RAB10: variants seen among roughly 807,000 people sequenced by gnomAD.
RAB10 encodes the protein RAB10, member RAS oncogene family.
RAB10 carries 5 observed loss-of-function variants against 25.7 expected under a neutral mutation model. The ratio of observed to expected loss-of-function variants is 0.19; its 90% CI spans 0.10 to 0.41. The LOEUF is 0.41. Among genes scored for constraint, RAB10 ranks in the 10% least tolerant of loss-of-function variants. RAB10 has a pLI of 1.00. For missense variants in RAB10, 103 were observed against 245.8 expected, an observed-to-expected ratio of 0.42 and a Z score of 3.89; for synonymous variants, 89 against 86.4, an observed-to-expected ratio of 1.03 and a Z score of -0.16.
At chr2:26,051,239 A>C (rs1023935050) in intron 1 of RAB10, among the ~76,000 whole-genome samples, 3 of 151,684 alleles carry the variant, frequency 2.0e-5, no homozygotes, top group Non-Finnish European at 2.9e-5. Context: ...GCCTGGCATA[A>C]ATTTGTTTTT....
chr2:26,080,353 T>C (rs761452764), intron 1 of RAB10, among the ~76,000 whole-genome samples: 41 of 152,260 alleles, frequency 2.7e-4, no homozygotes, highest in South Asian at 6.2e-4. Flanking sequence ...TAAAAATTGT[T>C]GCGGCAGGAG....
intron 1 of RAB10, among the ~76,000 whole-genome samples, chr2:26,077,594 A>G (rs535221843): frequency 5.3e-5 from 8 of 152,266 alleles, no homozygotes; most frequent in African/African-American, 1.7e-4. Context: ...TGACTTTTTT[A>G]TTAGAATGAC....
chr2:26,047,625 C>G (rs563566159), intron 1 of RAB10, among the ~76,000 whole-genome samples: 2 of 151,516 alleles, frequency 1.3e-5, no homozygotes, highest in Non-Finnish European at 1.5e-5. Flanking sequence ...CTACATTGGC[C>G]GGGCTGGTCT....
At chr2:26,120,906 GTATAT>G (rs1323528716) in intron 3 of RAB10, among the ~76,000 whole-genome samples, 1 of 150,834 alleles carries the variant, frequency 6.6e-6, no homozygotes, top group Admixed American at 6.6e-5. Context: ...TTTCTTTATA[GTATAT>G]TATAATTTTT....
At chr2:26,047,362 A>G (rs1666034733) in intron 1 of RAB10, among the ~76,000 whole-genome samples, 1 of 113,382 alleles carries the variant, frequency 8.8e-6, no homozygotes, top group African/African-American at 3.5e-5. Context: ...CCAACTCAGC[A>G]TAATTCCCTG....
intron 5 of RAB10, among the ~76,000 whole-genome samples, chr2:26,128,391 G>T (rs1230958788): frequency 6.6e-6 from 1 of 152,152 alleles, no homozygotes; most frequent in South Asian, 2.1e-4. Context: ...CCACAGCCCC[G>T]GGGTTGGGGA....
rs755298548 is a variant in RAB10, at chr2:26,034,739, A to G, written c.127+4A>G. The G allele has an allele frequency of 6.2e-7, 1 of 1,614,092 alleles. No homozygotes were observed. Among genetic ancestry groups the G allele is most frequent in the Non-Finnish European group, 8.5e-7 (1 of 1,179,970 alleles). On this transcript the variant is annotated splice_donor_region_variant and intron_variant, in intron 1 of 5. Transcript: ENST00000264710. ...ACTACCTTTATTTCCACCATAGGTA[A>G]GACCTGTGGGAGGACGGTGTACGGT...
chr2:26,124,915 T>C (rs1667876211), intron 3 of RAB10, among the ~76,000 whole-genome samples: 1 of 152,228 alleles, frequency 6.6e-6, no homozygotes, highest in African/African-American at 2.4e-5. Flanking sequence ...AAGGTTCATC[T>C]ACATTGTAGC....
chr2:26,131,701 A>T (rs895226133), intron 5 of RAB10, among the ~76,000 whole-genome samples: 3 of 151,998 alleles, frequency 2.0e-5, no homozygotes, highest in Non-Finnish European at 4.4e-5. Flanking sequence ...TAATTAATTT[A>T]TCAGTTATTA....
At chr2:26,092,100 A>G (rs893544626) in intron 1 of RAB10, among the ~76,000 whole-genome samples, 2 of 151,730 alleles carry the variant, frequency 1.3e-5, no homozygotes, top group African/African-American at 4.8e-5. Context: ...TGAACTTGGA[A>G]GGCAGAGGTT....
intron 1 of RAB10, among the ~76,000 whole-genome samples, chr2:26,035,709 G>A (rs540646672): frequency 3.3e-5 from 5 of 152,318 alleles, no homozygotes; most frequent in African/African-American, 1.2e-4. Context: ...CATTGTGGCG[G>A]TGCAGTTGAA....
chr2:26,114,988 T>C (rs1040080061), intron 3 of RAB10, among the ~76,000 whole-genome samples: 1 of 152,082 alleles, frequency 6.6e-6, no homozygotes, highest in South Asian at 2.1e-4. Context: ...AATGGATAAA[T>C]TGGGCTACAT....
At chr2:26,103,348 T>TG (rs1365158243) in intron 2 of RAB10, among the ~76,000 whole-genome samples, 1 of 152,236 alleles carries the variant, frequency 6.6e-6, no homozygotes, top group African/African-American at 2.4e-5. Context: ...GAACAGATCT[T>TG]GCAGAAGCTC....
chr2:26,040,716 T>C (rs1665866148), intron 1 of RAB10, among the ~76,000 whole-genome samples: 2 of 152,118 alleles, frequency 1.3e-5, no homozygotes, highest in Admixed American at 6.6e-5. Context: ...CTTGCAGGTG[T>C]TCAGAAGGAC....
At chr2:26,051,852 TC>T (rs1281832947) in intron 1 of RAB10, among the ~76,000 whole-genome samples, 4 of 148,578 alleles carry the variant, frequency 2.7e-5, no homozygotes, top group African/African-American at 7.5e-5. Flanking sequence ...GGTCAGGAGT[TC>T]CAAGACCAGC....
chr2:26,094,436 G>C (rs1010357446), intron 1 of RAB10, among the ~76,000 whole-genome samples: 1 of 151,862 alleles, frequency 6.6e-6, no homozygotes, highest in Non-Finnish European at 1.5e-5. Context: ...ATTTTTAGTA[G>C]AGATGGGGTT....
At chr2:26,111,529 A>G (rs1317949039) in intron 3 of RAB10, among the ~76,000 whole-genome samples, 1 of 151,396 alleles carries the variant, frequency 6.6e-6, no homozygotes, top group Admixed American at 6.6e-5. Flanking sequence ...GCTTGAACCC[A>G]GGGGGTGGAG....
chr2:26,047,507 C>A (rs1035791129), intron 1 of RAB10, among the ~76,000 whole-genome samples: 5 of 152,030 alleles, frequency 3.3e-5, no homozygotes, highest in African/African-American at 1.2e-4. Flanking sequence ...CCTCTGCCTC[C>A]CAGGTTCAAG....
At chr2:26,123,550 A>G (rs973582338) in intron 3 of RAB10, among the ~76,000 whole-genome samples, 3 of 152,266 alleles carry the variant, frequency 2.0e-5, no homozygotes, top group Non-Finnish European at 4.4e-5. Flanking sequence ...GGAATTTATG[A>G]AAGAGACTGT....
Sources: gnomAD v4.1 joint callset for allele counts (sites outside exome capture counted in the v4.1 genomes callset) on GRCh38, gnomAD v4.1.1 for gene constraint, MANE v1.5 for transcripts, NCBI Gene and HGNC (gene_info 2026-07-23, HGNC 2026-07-21) for gene names.